Variants in VEPH1 observed in about 807,000 individuals in gnomAD.
VEPH1 encodes the protein ventricular zone-expressed PH domain-containing protein homolog 1.
In VEPH1, 80 loss-of-function variants were observed where a neutral mutation model predicts 85.2. That is an observed-to-expected ratio of 0.94 (90% CI 0.78 to 1.13). The LOEUF (loss-of-function observed/expected upper bound fraction) is 1.13. Ranked by LOEUF, VEPH1 falls within the 50% of genes most tolerant of loss-of-function variation. VEPH1 has a pLI of 0.00. For missense variants in VEPH1, 955 were observed against 980.5 expected (o/e 0.97, Z 0.35); for synonymous variants, 297 against 348.0 (o/e 0.85, Z 1.63).
At chr3:157,362,667 T>C (rs1293030832) in intron 9 of VEPH1, among the ~76,000 whole-genome samples, 1 of 152,230 alleles carries the variant, frequency 6.6e-6, no homozygotes, top group African/African-American at 2.4e-5. Context: ...TTACATGAGA[T>C]ATTCAACAGT....
intron 2 of VEPH1, among the ~76,000 whole-genome samples, chr3:157,472,257 A>G (rs970305696): frequency 6.6e-6 from 1 of 152,198 alleles, no homozygotes; most frequent in Non-Finnish European, 1.5e-5. Context: ...AACACTCACC[A>G]TTTATTACTT....
At chr3:157,375,674 A>G (rs1728011261) in intron 7 of VEPH1, among the ~76,000 whole-genome samples, 1 of 152,158 alleles carries the variant, frequency 6.6e-6, no homozygotes, top group South Asian at 2.1e-4. Flanking sequence ...ATTCTCCTGC[A>G]TGTGCTATTG....
chr3:157,455,397 T>G (rs2109331026), intron 4 of VEPH1, among the ~76,000 whole-genome samples: 1 of 151,284 alleles, frequency 6.6e-6, no homozygotes, highest in East Asian at 2.0e-4. Context: ...TGTCTTCTTT[T>G]GAGAAGTGTC....
intron 9 of VEPH1, among the ~76,000 whole-genome samples, chr3:157,318,774 A>G (rs1332284481): frequency 6.6e-6 from 1 of 152,008 alleles, no homozygotes; most frequent in African/African-American, 2.4e-5. Flanking sequence ...AGCCAGGCAC[A>G]GTGGCACACA....
intron 11 of VEPH1, among the ~76,000 whole-genome samples, 156 bp downstream of exon 11, chr3:157,313,465 A>G (rs1720364954): frequency 6.6e-6 from 1 of 152,208 alleles, no homozygotes; most frequent in African/African-American, 2.4e-5. Flanking sequence ...AATCTACTAT[A>G]CCACGTGAAA....
chr3:157,450,080 G>A (rs1197732378), intron 4 of VEPH1, among the ~76,000 whole-genome samples: 1 of 105,406 alleles, frequency 9.5e-6, no homozygotes, highest in Non-Finnish European at 1.8e-5. Flanking sequence ...TTTTGAGACA[G>A]GGGCTTGTTC....
At chr3:157,390,083 T>C (rs1729716466) in intron 6 of VEPH1, among the ~76,000 whole-genome samples, 1 of 152,224 alleles carries the variant, frequency 6.6e-6, no homozygotes. Context: ...GGTGTGCAGA[T>C]TGAAGACTGG....
intron 9 of VEPH1, among the ~76,000 whole-genome samples, chr3:157,347,041 C>G (rs779529480): frequency 6.6e-6 from 1 of 152,038 alleles, no homozygotes; most frequent in Non-Finnish European, 1.5e-5. Context: ...TTTCTAGAAA[C>G]AATAACATCT....
chr3:157,466,722 T>C (rs1334681511), intron 3 of VEPH1, among the ~76,000 whole-genome samples: 1 of 152,188 alleles, frequency 6.6e-6, no homozygotes, highest in Non-Finnish European at 1.5e-5. Flanking sequence ...TGCTATTCTA[T>C]TCTTAGAGTC....
Position 157,261,316 on chromosome 3 carries a change from C to A in VEPH1, c.2320G>T (p.Ala774Ser), listed in dbSNP as rs369831867. The change falls in exon 14 of 14, where the codon GCT becomes TCT. Residue 774 changes from alanine to serine, a missense_variant. Ala to Ser is a moderately conservative substitution (Grantham distance 99). Transcript: ENST00000362010. The part of the protein sequence containing the change: ...IELSKVQSVK[A>S]VAKKRRDRSL... The stretch of plus-strand genomic sequence containing the variant: ...CGGTCCCTGCGTTTCTTGGCCACAG[C>A]CTTCACACTCTGTACTTTGCTGAGT... 10 of 1,613,582 alleles carry A rather than the reference C, an allele frequency of 6.2e-6. No homozygotes were observed. The highest frequency in any genetic ancestry group is 8.5e-6 in the Non-Finnish European group (10 of 1,179,756).
chr3:157,395,975 C>T (rs1365845572), intron 6 of VEPH1, among the ~76,000 whole-genome samples: 6 of 152,116 alleles, frequency 3.9e-5, no homozygotes, highest in East Asian at 1.9e-4. Context: ...GCAGGATGTG[C>T]GGGTTTGTTA....
chr3:157,298,342 G>C (rs1205516056), intron 11 of VEPH1, among the ~76,000 whole-genome samples: 1 of 152,142 alleles, frequency 6.6e-6, no homozygotes, highest in Non-Finnish European at 1.5e-5. Context: ...CTGGATCTCA[G>C]TTGCCTTTGC....
intron 12 of VEPH1, among the ~76,000 whole-genome samples, chr3:157,266,310 C>G (rs1713636013): frequency 6.6e-6 from 1 of 151,658 alleles, no homozygotes; most frequent in Non-Finnish European, 1.5e-5. Flanking sequence ...ACTCTCTTTC[C>G]CCTCTCTGTA....
chr3:157,299,586 A>G (rs1476995800), intron 11 of VEPH1, among the ~76,000 whole-genome samples: 2 of 151,564 alleles, frequency 1.3e-5, no homozygotes, highest in East Asian at 1.9e-4. Flanking sequence ...AAAAAGAAAG[A>G]AAGAAAGAAA....
intron 2 of VEPH1, among the ~76,000 whole-genome samples, chr3:157,491,107 C>T (rs892713944): frequency 6.6e-6 from 1 of 152,072 alleles, no homozygotes; most frequent in Admixed American, 6.6e-5. Flanking sequence ...AGCAACCATG[C>T]ATAGCTAAAT....
intron 12 of VEPH1, among the ~76,000 whole-genome samples, chr3:157,282,987 A>C (rs1330763992): frequency 2.0e-5 from 3 of 152,246 alleles, no homozygotes; most frequent in African/African-American, 7.2e-5. Flanking sequence ...ATGAATCAGC[A>C]GTTGGAAGAA....
intron 2 of VEPH1, among the ~76,000 whole-genome samples, chr3:157,492,309 C>A (rs557950389): frequency 1.2e-4 from 19 of 152,258 alleles, no homozygotes; most frequent in African/African-American, 4.6e-4. Flanking sequence ...CTGATCCGTA[C>A]GAGTTATAAT....
intron 11 of VEPH1, among the ~76,000 whole-genome samples, chr3:157,312,922 T>G (rs1050080793): frequency 7.7e-6 from 1 of 129,210 alleles, no homozygotes; most frequent in Non-Finnish European, 1.7e-5. Flanking sequence ...TTTTTTTTTT[T>G]GAGATGGAGT....
chr3:157,343,300 A>G (rs976214015), intron 9 of VEPH1, among the ~76,000 whole-genome samples: 2 of 152,218 alleles, frequency 1.3e-5, no homozygotes, highest in Non-Finnish European at 2.9e-5. Context: ...TAAAGAAAAA[A>G]CAGAGAAGAA....
Sources: gnomAD v4.1 joint callset for allele counts (sites outside exome capture counted in the v4.1 genomes callset) on GRCh38, gnomAD v4.1.1 for gene constraint, MANE v1.5 for transcripts, NCBI Gene and HGNC (gene_info 2026-07-23, HGNC 2026-07-21) for gene names.